Variants in ELANE observed in about 807,000 individuals in gnomAD.
ELANE encodes the protein elastase, neutrophil expressed.
In ELANE, 12 loss-of-function variants were observed where a neutral mutation model predicts 20.6. The observed-to-expected ratio is 0.58, with a 90% CI of 0.37 to 0.94. The LOEUF is 0.94. Ranked by LOEUF, ELANE falls within the 40% of genes least tolerant of loss-of-function variation. The probability of loss-of-function intolerance (pLI) is 0.01; values close to 1 mark genes in which losing one functional copy is unlikely to be tolerated. For synonymous variants in ELANE, 203 were observed against 177.4 expected (o/e 1.14, Z -1.15); for missense variants, 388 against 395.2 (o/e 0.98, Z 0.15).
At position 852,345 on chromosome 19, in the gene ELANE, G is replaced by A. The variant is rs1424691242; in HGVS notation, c.17G>A (p.Arg6Gln). 3 of 1,610,528 alleles carry A rather than the reference G, an allele frequency of 1.9e-6. No homozygotes were observed. The highest frequency in any genetic ancestry group is 2.5e-6 in the Non-Finnish European group (3 of 1,179,890). The change falls in exon 1 of 5, where the codon CGA becomes CAA. Residue 6 changes from arginine to glutamine, a missense_variant. Transcript: ENST00000263621. ...AGCCCCACCATGACCCTCGGCCGCC[G>A]ACTCGCGTGTCTTTTCCTCGCCTGT... MTLGR[R>Q]LACLFLACVL...
Position 855,644 on chromosome 19 carries a change from G to A in ELANE, c.447G>A (p.Val149=), listed in dbSNP as rs1205584903. The part of the protein sequence containing the change: ...PAQGRRLGNG[V]QCLAMGWGLL... ...AGGGACGCCGCCTGGGCAACGGGGTGCAGTGCCTGGCCATGGGCTGGGGCC... is the reference window on the plus strand; with the variant it reads ...AGGGACGCCGCCTGGGCAACGGGGTACAGTGCCTGGCCATGGGCTGGGGCC... Residue 149 remains valine (V), a synonymous_variant, in exon 4 of 5, where the codon GTG becomes GTA. Transcript: ENST00000263621. The surrounding 1 kb of genome is among the most constrained non-coding windows in gnomAD (Gnocchi z 6.2). 1 of 1,606,470 alleles carries A rather than the reference G, an allele frequency of 6.2e-7. No homozygotes were observed. Among genetic ancestry groups the A allele is most frequent in the Non-Finnish European group, 8.5e-7 (1 of 1,179,846 alleles).
Position 853,063 on chromosome 19 carries a change from C to G in ELANE, c.224+31C>G, listed in dbSNP as rs201836597. ...TAGCCGGGAGTGTGCGCGCCCGGCT[C>G]GGACCCCGCGTCCCGGTCTGTGAGG... On this transcript the variant is annotated intron_variant, in intron 2 of 4. Coordinates refer to ENST00000263621, the MANE Select transcript of ELANE (RefSeq NM_001972.4). 96 of 1,493,564 alleles carry G rather than the reference C, an allele frequency of 6.4e-5. No individual in the cohort carries two copies. Among genetic ancestry groups the G allele is most frequent in the South Asian group, 4.3e-4 (36 of 83,302 alleles). 92.5% of individuals were successfully genotyped at this position (1,493,564 alleles called of 1,614,324 possible).
chr19:853,708 G>T (rs1315531301), intron 3 of ELANE, among the ~76,000 whole-genome samples: 1 of 138,064 alleles, frequency 7.2e-6, no homozygotes, highest in Non-Finnish European at 1.6e-5. Context: ...GGGAGGCCCC[G>T]ATCTGTTGTC....
chr19:852,559 A>C (rs1394065982), intron 1 of ELANE, among the ~76,000 whole-genome samples, 164 bp downstream of exon 1: 1 of 125,832 alleles, frequency 7.9e-6, no homozygotes, highest in Non-Finnish European at 1.6e-5. Flanking sequence ...TGAAGCCACC[A>C]CCAGGAGCCC....
chr19:853,021 C>T lies in ELANE; in HGVS notation c.213C>T (p.Cys71=), dbSNP rs1368129967. The part of the protein sequence containing the change: ...APNFVMSAAH[C]VANVNVRAVR... ...ACTTCGTCATGTCGGCCGCGCACTG[C>T]GTGGCGAATGTGTGAGTAGCCGGGA... The change falls in exon 2 of 5, where the codon TGC becomes TGT. Residue 71 remains cysteine (C), a synonymous_variant. Coordinates refer to ENST00000263621, the MANE Select transcript of ELANE (RefSeq NM_001972.4). 2.6e-6 allele frequency: 4 copies of T among 1,556,460 alleles called. No individual in the cohort carries two copies. The highest frequency in any genetic ancestry group is 3.7e-5 in the Admixed American group (2 of 54,428).
chr19:855,680 G>T lies in ELANE; in HGVS notation c.483G>T (p.Arg161Ser). The T allele has an allele frequency of 6.2e-7, 1 of 1,609,142 alleles. No homozygotes were observed. ...CLAMGWGLLGRNRGIASVLQE... is the reference protein window; with the variant it reads ...CLAMGWGLLGSNRGIASVLQE... The stretch of plus-strand genomic sequence containing the variant: ...CCATGGGCTGGGGCCTTCTGGGCAG[G>T]AACCGTGGGATCGCCAGCGTCCTGC... Residue 161 changes from arginine to serine, a missense_variant, in exon 4 of 5, where the codon AGG (arginine) becomes AGT (serine). Transcript: ENST00000263621. The surrounding 1 kb of genome is among the most constrained non-coding windows in gnomAD (Gnocchi z 6.2).
rs143579306 is a variant in ELANE, at chr19:856,138, C to A, written c.778C>A (p.Pro260Thr). The change falls in exon 5 of 5, where the codon CCG (proline) becomes ACG (threonine). Residue 260 changes from proline (P) to threonine (T), a missense_variant. Transcript: ENST00000263621. ...EDNPCPHPRDPDPASRTH is the reference protein window; with the variant it reads ...EDNPCPHPRDTDPASRTH ...CAACCCCTGTCCCCACCCCCGGGAC[C>A]CGGACCCGGCCAGCAGGACCCACTG... The A allele has an allele frequency of 1.2e-4, 196 of 1,612,832 alleles. 2 individuals carry two copies. In the African/African-American group the frequency reaches 1.9e-3, roughly 16 times the overall value.
At chr19:854,240 G>A (rs2035638866) in intron 3 of ELANE, among the ~76,000 whole-genome samples, 1 of 151,840 alleles carries the variant, frequency 6.6e-6, no homozygotes, top group African/African-American at 2.4e-5. Flanking sequence ...TCAGGTGTTC[G>A]AGACCAGCCT....
intron 3 of ELANE, among the ~76,000 whole-genome samples, chr19:854,947 A>G (rs2035654226): frequency 6.6e-6 from 1 of 151,532 alleles, no homozygotes; most frequent in Admixed American, 6.6e-5. Context: ...TCCGCCTCCC[A>G]GGTTCAAGCG....
rs1011970514 is a variant in ELANE at position 854,906 on chromosome 19, C to T, written c.367-658C>T. ...TCTCGCTCTGTCGCCCAGGCTGGAG[C>T]GCAGTGGCACAATCTCAGCTCACTG... On this transcript the variant is annotated intron_variant, in intron 3 of 4. Transcript: ENST00000263621. Among the ~76,000 whole-genome samples, 12 of 150,836 alleles carry T rather than the reference C, an allele frequency of 8.0e-5. No individual in the cohort carries two copies. The South Asian group carries it at 1.0e-3, about 13-fold the overall frequency.
chr19:852,750 G>T (rs1458950378), intron 1 of ELANE, 126 bp from the exon 2 acceptor site: 2 of 1,316,352 alleles, frequency 1.5e-6, no homozygotes, highest in South Asian at 3.0e-5. Flanking sequence ...GGTTCCCGGT[G>T]GGGGATCCCG....
chr19:853,522 TG>T, intron 3 of ELANE, 119 bp downstream of exon 3: 3 of 1,240,594 alleles, frequency 2.4e-6, no homozygotes, highest in Non-Finnish European at 3.4e-6. Flanking sequence ...CATCGTGGGC[TG>T]GGTGGTCCCC....
At position 853,308 on chromosome 19, in the gene ELANE, C is replaced by A. The variant is rs1322402865; in HGVS notation, c.271C>A (p.Arg91=). The stretch of plus-strand genomic sequence containing the variant: ...GGTCCTGGGAGCCCATAACCTCTCG[C>A]GGCGGGAGCCCACCCGGCAGGTGTT... The part of the protein sequence containing the change: ...RVVLGAHNLS[R]REPTRQVFAV... Residue 91 remains arginine (R), a synonymous_variant, in exon 3 of 5, where the codon CGG becomes AGG. Coordinates refer to ENST00000263621, the MANE Select transcript of ELANE (RefSeq NM_001972.4). 1.2e-6 allele frequency: 2 copies of A among 1,610,766 alleles called. No homozygotes were observed. The highest frequency in any genetic ancestry group is 1.7e-6 in the Non-Finnish European group (2 of 1,178,978).
At chr19:852,459 T>C (rs2035608864) in intron 1 of ELANE, 64 bp downstream of exon 1, 1 of 1,558,516 alleles carries the variant, frequency 6.4e-7, no homozygotes, top group East Asian at 2.4e-5. Context: ...CACCTCTCCA[T>C]AGAGGGCCCC....
Position 852,318 on chromosome 19 carries a change from C to T in ELANE, c.-11C>T, listed in dbSNP as rs748507982. ...ACGGAGGGGCAGAGACCCCGGAGCC[C>T]CAGCCCCACCATGACCCTCGGCCGC... is the stretch of plus-strand genomic sequence containing the variant. On this transcript the variant is annotated 5_prime_UTR_variant, in exon 1 of 5. Coordinates refer to ENST00000263621, the MANE Select transcript of ELANE (RefSeq NM_001972.4). The T allele has an allele frequency of 3.6e-5, 58 of 1,607,328 alleles. No individual in the cohort carries two copies. The South Asian group carries it at 6.2e-4, about 17-fold the overall frequency.
intron 3 of ELANE, among the ~76,000 whole-genome samples, chr19:854,319 G>A (rs1568304947): frequency 6.6e-6 from 1 of 151,926 alleles, no homozygotes; most frequent in East Asian, 1.9e-4. Context: ...GTGGTTGTGG[G>A]TGCCTGTAAT....
chr19:852,901 G>T lies in ELANE; in HGVS notation c.93G>T (p.Val31=), dbSNP rs894935356. The T allele has an allele frequency of 6.3e-7, 1 of 1,596,558 alleles. No homozygotes were observed. ...GCACCGCGCTGGCCTCGGAGATTGTGGGGGGCCGGCGAGCGCGGCCCCACG... is the reference window on the plus strand; with the variant it reads ...GCACCGCGCTGGCCTCGGAGATTGTTGGGGGCCGGCGAGCGCGGCCCCACG... ...LGGTALASEI[V]GGRRARPHAW... Residue 31 remains valine (V), a synonymous_variant, in exon 2 of 5, where the codon GTG becomes GTT. Transcript: ENST00000263621.
rs1085307624 is a variant in ELANE, at chr19:853,302, C to T, written c.265C>T (p.Leu89Phe). The change falls in exon 3 of 5, where the codon CTC (leucine) becomes TTC (phenylalanine). Residue 89 changes from leucine (L) to phenylalanine (F), a missense_variant. Leu to Phe is a conservative substitution (Grantham distance 22). Transcript: ENST00000263621. The stretch of plus-strand genomic sequence containing the variant: ...GCGGGTGGTCCTGGGAGCCCATAAC[C>T]TCTCGCGGCGGGAGCCCACCCGGCA... ...AVRVVLGAHNLSRREPTRQVF... is the reference protein window; with the variant it reads ...AVRVVLGAHNFSRREPTRQVF... The T allele has an allele frequency of 2.0e-5, 33 of 1,610,730 alleles. No homozygotes were observed. The Admixed American group carries it at 3.7e-4, about 18-fold the overall frequency.
chr19:852,841 C>T, intron 1 of ELANE, 35 bp from the exon 2 acceptor site: 3 of 1,587,950 alleles, frequency 1.9e-6, no homozygotes, highest in Middle Eastern at 1.9e-4. Context: ...GGCTCCTTGG[C>T]AGGCACTCAG....
Sources: allele counts gnomAD v4.1 joint callset (sites outside exome capture counted in the v4.1 genomes callset), GRCh38; gene constraint gnomAD v4.1.1; non-coding constraint Gnocchi (gnomAD v3.1); transcripts MANE v1.5; gene names NCBI Gene and HGNC (gene_info 2026-07-23, HGNC 2026-07-21).